Variants in GMEB2 observed in about 807,000 individuals in gnomAD.
GMEB2 encodes glucocorticoid modulatory element binding protein 2.
GMEB2 carries 7 observed loss-of-function variants against 45.7 expected under a neutral mutation model. That is an observed-to-expected ratio of 0.15 (90% CI 0.09 to 0.29). GMEB2 has a LOEUF of 0.29. Ranked by LOEUF, GMEB2 falls within the 10% of genes least tolerant of loss-of-function variation. GMEB2 has a pLI of 1.00. For synonymous variants in GMEB2, 322 were observed against 323.6 expected (o/e 1.00, Z 0.05); for missense variants, 582 against 739.2 (o/e 0.79, Z 2.47).
intron 4 of GMEB2, among the ~76,000 whole-genome samples, chr20:63,600,085 A>C (rs545910566): frequency 6.6e-5 from 10 of 151,942 alleles, no homozygotes. Context: ...TCTGTCGTCC[A>C]GGCTGGAGTG....
rs769306023 is a variant in GMEB2 at position 63,592,535 on chromosome 20, C to T, written c.827G>A (p.Arg276Gln). 46 of 1,607,614 alleles carry T rather than the reference C, an allele frequency of 2.9e-5. No individual in the cohort carries two copies. The East Asian group carries it at 7.4e-4, about 26-fold the overall frequency. Residue 276 changes from arginine (R) to glutamine (Q), a missense_variant and splice_region_variant, in exon 8 of 10, where the codon CGA (arginine) becomes CAA (glutamine). By Grantham distance (43) the Arg-to-Gln change is conservative. Transcript: ENST00000370077. This position sits in a 1 kb window ranked among gnomAD's most constrained non-coding sequence, Gnocchi z 8.2. ...QRVQDPPLQL[R>Q]DAVLLNNIVQ... ...AGAGGGAAGATGCAGCTTCTCACCT[C>T]GAAGCTGCAGGGGAGGGTCCTGGAC...
In GMEB2 at chr20:63,595,857, G is replaced by A. The variant is rs151162831; in HGVS notation, c.462-90C>T. 5.2e-4 allele frequency: 633 copies of A among 1,212,950 alleles called. 1 individual carries two copies. Among genetic ancestry groups the A allele is most frequent in the African/African-American group, 4.4e-3 (299 of 67,630 alleles). 75.1% of individuals were successfully genotyped at this position (1,212,950 alleles called of 1,614,324 possible). Reference sequence around the variant, plus strand: ...ACCCTGACCTGGGCCATCCACCTGCGTGGGGCAGGCCTAGCAGAGGCGCTG... The same window carrying A: ...ACCCTGACCTGGGCCATCCACCTGCATGGGGCAGGCCTAGCAGAGGCGCTG... On this transcript the variant is annotated intron_variant, in intron 5 of 9. Transcript: ENST00000370077.
chr20:63,595,924 G>A (rs6089932), intron 5 of GMEB2, among the ~76,000 whole-genome samples, 157 bp from the exon 6 acceptor site: 12,735 of 152,330 alleles, frequency 0.084, 702 homozygotes, highest in African/African-American at 0.15. Flanking sequence ...CCCTCTTAGC[G>A]CGAGCTCGGC....
At chr20:63,624,942 G>A (rs1314505923) in intron 1 of GMEB2, among the ~76,000 whole-genome samples, 1 of 151,822 alleles carries the variant, frequency 6.6e-6, no homozygotes, top group Non-Finnish European at 1.5e-5. Flanking sequence ...TCCTGACCTC[G>A]TGATCCGCCC....
chr20:63,606,340 C>T (rs1013408657), intron 2 of GMEB2, among the ~76,000 whole-genome samples: 2 of 145,528 alleles, frequency 1.4e-5, no homozygotes, highest in African/African-American at 5.0e-5. Context: ...AAAAAAACAC[C>T]ACAAACAATT....
intron 2 of GMEB2, among the ~76,000 whole-genome samples, chr20:63,618,044 G>A (rs1033935291): frequency 6.6e-6 from 1 of 152,250 alleles, no homozygotes; most frequent in Non-Finnish European, 1.5e-5. Flanking sequence ...CACCACCCCA[G>A]CAGCCGCGGC....
At chr20:63,609,257 C>T (rs1282837552) in intron 2 of GMEB2, among the ~76,000 whole-genome samples, 1 of 22,190 alleles carries the variant, frequency 4.5e-5, no homozygotes. Context: ...CCTCCATTTC[C>T]AGAAACATGC....
chr20:63,601,374 T>A (rs1396559618), intron 4 of GMEB2, among the ~76,000 whole-genome samples: 1 of 152,184 alleles, frequency 6.6e-6, no homozygotes, highest in Non-Finnish European at 1.5e-5. Flanking sequence ...TGTTTGACTC[T>A]CGTGCTTCCT....
chr20:63,591,924 AG>A (rs1203541433), intron 9 of GMEB2, 97 bp downstream of exon 9: 18 of 1,069,022 alleles, frequency 1.7e-5, no homozygotes, highest in Non-Finnish European at 2.4e-5. Context: ...CGGTGACTCC[AG>A]GAAGTGCAGG....
intron 1 of GMEB2, among the ~76,000 whole-genome samples, chr20:63,621,110 T>C (rs758512675): frequency 2.1e-4 from 32 of 151,984 alleles, no homozygotes; most frequent in South Asian, 6.2e-4. Context: ...GGCTGGAGGA[T>C]CGTTTGAGCC....
At chr20:63,625,421 C>A (rs1366020788) in intron 1 of GMEB2, among the ~76,000 whole-genome samples, 1 of 151,778 alleles carries the variant, frequency 6.6e-6, no homozygotes, top group Non-Finnish European at 1.5e-5. Flanking sequence ...GATCCTCCCA[C>A]CTTGACCTCC....
chr20:63,617,181 G>A (rs2089614836), intron 2 of GMEB2, among the ~76,000 whole-genome samples: 1 of 152,140 alleles, frequency 6.6e-6, no homozygotes, highest in Admixed American at 6.5e-5. Flanking sequence ...GTTTTGCCAT[G>A]TCGCCCAGGC....
chr20:63,600,037 G>C (rs1163157598), intron 4 of GMEB2, among the ~76,000 whole-genome samples: 3 of 151,560 alleles, frequency 2.0e-5, no homozygotes, highest in African/African-American at 7.3e-5. Context: ...AGCCTTTATT[G>C]CAAAAAAAAA....
At chr20:63,604,867 A>G (rs745358468) in intron 2 of GMEB2, 27 bp from the exon 3 acceptor site, 8 of 1,338,802 alleles carry the variant, frequency 6.0e-6, no homozygotes, top group Middle Eastern at 1.8e-4. Flanking sequence ...AGGAGAGAAT[A>G]GAATCAGGAT....
In GMEB2 at chr20:63,627,029, CGGCGGCGGCCG is replaced by C. The variant is rs1240437923; in HGVS notation, c.-142_-132del. ...CGGGAGCTGCGGCGGCGGCGGGCGG[CGGCGGCGGCCG>C]CGGGCTTCGCTCCTTGTTGGGGATT... On this transcript the variant is annotated 5_prime_UTR_variant, in exon 1 of 10. Coordinates refer to ENST00000370077, the MANE Select transcript of GMEB2 (RefSeq NM_012384.5). The C allele has an allele frequency of 6.7e-6, 1 of 150,348 alleles. No individual in the cohort carries two copies. The highest frequency in any genetic ancestry group is 1.5e-5 in the Non-Finnish European group (1 of 68,546). The allele number at this position is 150,348 out of a possible 1,614,324, so 9.3% of individuals were successfully genotyped here. A position where few individuals can be genotyped will look rare whatever the true frequency, so the allele number is the denominator to read the frequency against.
At position 63,595,619 on chromosome 20, in the gene GMEB2, C is replaced by T. The variant is rs766852964; in HGVS notation, c.610G>A (p.Ala204Thr). The T allele has an allele frequency of 5.5e-5, 88 of 1,607,102 alleles. No homozygotes were observed. The highest frequency in any genetic ancestry group is 7.0e-5 in the Non-Finnish European group (82 of 1,177,586). ...AGCCCTGTGCACCTACCGTCGGCTG[C>T]GGCGGGCGTGAGGGGAATGTACTCG... Reference protein sequence around the residue: ...SAEYIPLTPAAADVNGSPATI... With the variant: ...SAEYIPLTPATADVNGSPATI... The change falls in exon 6 of 10, where the codon GCA (alanine) becomes ACA (threonine). Residue 204 changes from alanine (A) to threonine (T), a missense_variant. By Grantham distance (58) the Ala-to-Thr change is moderately conservative. Transcript: ENST00000370077.
At chr20:63,615,173 C>A (rs1022640083) in intron 2 of GMEB2, among the ~76,000 whole-genome samples, 2 of 152,120 alleles carry the variant, frequency 1.3e-5, no homozygotes, top group Non-Finnish European at 2.9e-5. Flanking sequence ...AAGGCACCTG[C>A]AGGACATCTG....
chr20:63,597,175 T>TTG (rs2083206538), intron 5 of GMEB2, among the ~76,000 whole-genome samples: 1 of 150,250 alleles, frequency 6.7e-6, no homozygotes, highest in South Asian at 2.1e-4. Context: ...TTTTTTTTTT[T>TTG]TTTTGAGACA....
intron 1 of GMEB2, among the ~76,000 whole-genome samples, chr20:63,622,058 G>C (rs2089645137): frequency 6.6e-6 from 1 of 152,104 alleles, no homozygotes; most frequent in Non-Finnish European, 1.5e-5. Flanking sequence ...AAGCCCAGGA[G>C]GTCAAGGCTG....
Sources: allele counts gnomAD v4.1 joint callset (sites outside exome capture counted in the v4.1 genomes callset), GRCh38; gene constraint gnomAD v4.1.1; non-coding constraint Gnocchi (gnomAD v3.1); transcripts MANE v1.5; gene names NCBI Gene and HGNC (gene_info 2026-07-23, HGNC 2026-07-21).